The following PRAG1 variants were observed in gnomAD, a reference collection of about 807,000 sequenced individuals.
PRAG1 encodes the protein PEAK1 related, kinase-activating pseudokinase 1.
Under a neutral mutation model 95.6 loss-of-function variants are expected in PRAG1, and 110 were observed. The observed-to-expected ratio is 1.15, with a 90% CI of 0.99 to 1.35. The LOEUF (loss-of-function observed/expected upper bound fraction) is 1.35, where lower values mean the gene tolerates loss of function less well. PRAG1 is among the 40% of genes most tolerant of loss of function. The pLI is 0.00. For synonymous variants in PRAG1, 1,052 were observed against 819.4 expected (o/e 1.28, Z -4.85); for missense variants, 2,554 against 1,864.7 (o/e 1.37, Z -6.81).
chr8:8,342,586 G>A (rs1326528193), intron 3 of PRAG1, among the ~76,000 whole-genome samples: 3 of 152,158 alleles, frequency 2.0e-5, no homozygotes, highest in Admixed American at 6.5e-5. Flanking sequence ...ACCAGTTGCT[G>A]TATAAATGAG....
intron 5 of PRAG1, 106 bp from the exon 6 acceptor site, chr8:8,319,408 G>C (rs1798403727): frequency 3.3e-6 from 3 of 910,282 alleles, no homozygotes; most frequent in South Asian, 2.5e-5. Context: ...TATCCACATA[G>C]GCTTAAGGGT....
At position 8,377,308 on chromosome 8, in the gene PRAG1, G is replaced by A; in HGVS notation, c.1101C>T (p.Ser367=). 1.9e-6 allele frequency: 3 copies of A among 1,612,590 alleles called. No individual in the cohort carries two copies. The highest frequency in any genetic ancestry group is 2.2e-5 in the South Asian group (2 of 90,998). ...TCTCTGGGGCAGGTTCCTTCATGAG[G>A]GAGCAGTAATCACTCTCGAGGTGGG... The part of the protein sequence containing the change: ...FVPHLESDYC[S]LMKEPAPEKQ... The change falls in exon 3 of 6, where the codon TCC becomes TCT. Residue 367 remains serine, a synonymous_variant. Transcript: ENST00000615670.
At position 8,318,988 on chromosome 8, in the gene PRAG1, G is replaced by A; in HGVS notation, c.3387C>T (p.Leu1129=). 1.2e-6 allele frequency: 2 copies of A among 1,613,502 alleles called. No homozygotes were observed. Among genetic ancestry groups the A allele is most frequent in the Non-Finnish European group, 1.7e-6 (2 of 1,179,796 alleles). Residue 1129 remains leucine, a synonymous_variant, in exon 6 of 6, where the codon CTC becomes CTT. Coordinates refer to ENST00000615670, the MANE Select transcript of PRAG1 (RefSeq NM_001080826.3). The surrounding 1 kb of genome is among the most constrained non-coding windows in gnomAD (Gnocchi z 4.2). The part of the protein sequence containing the change: ...ERRVCFLLLQ[L]CNGLEHLKEH... ...CCTTCAGGTGCTCCAGCCCGTTGCA[G>A]AGTTGCAGAAGCAGGAAGCACACGC...
chr8:8,337,041 G>A (rs903981019), intron 4 of PRAG1, among the ~76,000 whole-genome samples: 5 of 152,066 alleles, frequency 3.3e-5, no homozygotes, highest in Admixed American at 6.5e-5. Context: ...CATTCATTCA[G>A]GCCAGCCTAT....
At chr8:8,351,171 A>G (rs1265114689) in intron 3 of PRAG1, among the ~76,000 whole-genome samples, 1 of 152,164 alleles carries the variant, frequency 6.6e-6, no homozygotes, top group Admixed American at 6.5e-5. Context: ...GGCCTCATGA[A>G]ATTTAAAAAC....
At chr8:8,333,432 T>A (rs1012425572) in intron 4 of PRAG1, among the ~76,000 whole-genome samples, 1 of 152,132 alleles carries the variant, frequency 6.6e-6, no homozygotes, top group Non-Finnish European at 1.5e-5. Flanking sequence ...CTGGATGGGA[T>A]CTTAAAAAGA....
chr8:8,363,966 T>A (rs1799925250), intron 3 of PRAG1, among the ~76,000 whole-genome samples: 1 of 152,218 alleles, frequency 6.6e-6, no homozygotes, highest in African/African-American at 2.4e-5. Context: ...GTTTATTTCA[T>A]AATCATAACA....
chr8:8,377,497 G>GC lies in PRAG1; in HGVS notation c.911dup (p.Ser306GlufsTer8). ...TACAGCACTCCTTGGGGAAGCTCGG[G>GC]CCCCGCTTCTCCTGCTCTGCGGGCC... On this transcript the variant is annotated frameshift_variant, in exon 3 of 6. Coordinates refer to ENST00000615670, the MANE Select transcript of PRAG1 (RefSeq NM_001080826.3). LOFTEE classifies it high-confidence loss of function. 3 of 1,554,146 alleles carry GC rather than the reference G, an allele frequency of 1.9e-6. No individual in the cohort carries two copies. Among genetic ancestry groups the GC allele is most frequent in the Middle Eastern group, 1.7e-4 (1 of 5,754 alleles).
intron 3 of PRAG1, 123 bp from the exon 4 acceptor site, chr8:8,339,758 G>GA (rs11325094): frequency 0.016 from 13,154 of 802,696 alleles, 97 homozygotes; most frequent in African/African-American, 0.047. Flanking sequence ...TTTATTAAAA[G>GA]AAAAAAAAAA....
chr8:8,343,380 T>C (rs923963344), intron 3 of PRAG1, among the ~76,000 whole-genome samples: 1 of 152,210 alleles, frequency 6.6e-6, no homozygotes, highest in African/African-American at 2.4e-5. Context: ...TTTGGGTATA[T>C]GTCCTTGAGC....
At chr8:8,347,935 C>T (rs28401211) in intron 3 of PRAG1, among the ~76,000 whole-genome samples, 1 of 137,010 alleles carries the variant, frequency 7.3e-6, no homozygotes, top group Admixed American at 6.8e-5. Context: ...GGCATGATCT[C>T]AGCTCACTAC....
At chr8:8,330,693 G>T (rs1356288550) in intron 4 of PRAG1, among the ~76,000 whole-genome samples, 2 of 152,158 alleles carry the variant, frequency 1.3e-5, no homozygotes, top group Non-Finnish European at 2.9e-5. Context: ...AGATCTAGAT[G>T]GCAGTGATCT....
chr8:8,339,891 A>G (rs28428824), intron 3 of PRAG1, among the ~76,000 whole-genome samples: 9,418 of 152,304 alleles, frequency 0.062, 634 homozygotes, highest in African/African-American at 0.16. Flanking sequence ...AAATTCTTAC[A>G]TGGAAGGAAT....
chr8:8,325,438 T>A (rs1798605463), intron 5 of PRAG1, among the ~76,000 whole-genome samples: 1 of 152,182 alleles, frequency 6.6e-6, no homozygotes, highest in Non-Finnish European at 1.5e-5. Context: ...CTAAGGCTTA[T>A]CTTTTGGTTT....
rs192275434 is a variant in PRAG1 at position 8,376,224 on chromosome 8, C to A, written c.2162+23G>T. The A allele has an allele frequency of 9.6e-4, 1,545 of 1,602,770 alleles. 17 individuals are homozygous for A. In the African/African-American group the frequency reaches 0.018, roughly 19 times the overall value. ...GAGCCCTTTGCCCTGCAGACAGAGT[C>A]CCAGGCAGACAATGGTACTCACCGC... On this transcript the variant is annotated intron_variant, in intron 3 of 5. Transcript: ENST00000615670.
chr8:8,376,583 G>A lies in PRAG1; in HGVS notation c.1826C>T (p.Pro609Leu), dbSNP rs1470179440. 2 of 1,606,448 alleles carry A rather than the reference G, an allele frequency of 1.2e-6. No individual in the cohort carries two copies. The highest frequency in any genetic ancestry group is 1.7e-5 in the Admixed American group (1 of 59,534). ...GGCGGCAGGCTGGGGACACCTGGAT[G>A]GGTCACTGATAGCGACACCGTTGGT... ...CRTNGVAISD[P>L]SRCPQPAASS... Residue 609 changes from proline (P) to leucine (L), a missense_variant, in exon 3 of 6, where the codon CCA (proline) becomes CTA (leucine). Transcript: ENST00000615670.
chr8:8,324,768 GC>G (rs1471317853), intron 5 of PRAG1, among the ~76,000 whole-genome samples: 1 of 152,146 alleles, frequency 6.6e-6, no homozygotes, highest in Non-Finnish European at 1.5e-5. Context: ...AATAAAAAAG[GC>G]CCAGCAGCTT....
At chr8:8,339,148 G>C (rs1174752246) in intron 4 of PRAG1, among the ~76,000 whole-genome samples, 2 of 152,096 alleles carry the variant, frequency 1.3e-5, no homozygotes, top group Admixed American at 6.6e-5. Flanking sequence ...GTGTGGTTTA[G>C]GACCCATCCT....
rs149644631 is a variant in PRAG1, at chr8:8,369,548, G to A, written c.2162+6699C>T. 1.8e-4 allele frequency among the ~76,000 whole-genome samples: 27 copies of A among 152,216 alleles called. No homozygotes were observed. The East Asian group carries it at 4.2e-3, about 24-fold the overall frequency. On this transcript the variant is annotated intron_variant, in intron 3 of 5. Transcript: ENST00000615670. ...CCTTTCTGGAAAACGAAATAAACACGGCACTGTCTCTGTTTACAACTGCCC... is the reference window on the plus strand; with the variant it reads ...CCTTTCTGGAAAACGAAATAAACACAGCACTGTCTCTGTTTACAACTGCCC...
Sources: allele counts gnomAD v4.1 joint callset (sites outside exome capture counted in the v4.1 genomes callset), GRCh38; gene constraint gnomAD v4.1.1; non-coding constraint Gnocchi (gnomAD v3.1); transcripts MANE v1.5; gene names NCBI Gene and HGNC (gene_info 2026-07-23, HGNC 2026-07-21).